CABLES1: variants seen among roughly 807,000 people sequenced by gnomAD.
CABLES1 encodes the protein Cdk5 and Abl enzyme substrate 1.
Under a neutral mutation model 57.8 loss-of-function variants are expected in CABLES1, and 36 were observed. The observed-to-expected ratio is 0.62, with a 90% confidence interval of 0.48 to 0.82. CABLES1 has a LOEUF of 0.82. CABLES1 is among the 40% of genes least tolerant of loss of function. The pLI is 0.00. For synonymous variants in CABLES1, 374 were observed against 363.0 expected, an observed-to-expected ratio of 1.03 and a Z score of -0.35; for missense variants, 767 against 836.6, an observed-to-expected ratio of 0.92 and a Z score of 1.03.
At chr18:23,161,788 G>C (rs1382165748) in intron 1 of CABLES1, among the ~76,000 whole-genome samples, 2 of 150,708 alleles carry the variant, frequency 1.3e-5, no homozygotes, top group Non-Finnish European at 3.0e-5. Flanking sequence ...CAGGTGTGGT[G>C]GTGGGCACCT....
intron 3 of CABLES1, among the ~76,000 whole-genome samples, chr18:23,208,999 C>T (rs1336948061): frequency 6.6e-6 from 1 of 152,224 alleles, no homozygotes; most frequent in African/African-American, 2.4e-5. Flanking sequence ...CACTCTGACC[C>T]AGTAGGACCT....
In CABLES1 at chr18:23,259,375, G is replaced by A. The variant is rs547353018; in HGVS notation, c.*2008G>A. ...TGGATGACAGGCCGCCAGCCCAGACGTGGGGAGAGAAGCCTGAGTCCTTTC... is the reference window on the plus strand; with the variant it reads ...TGGATGACAGGCCGCCAGCCCAGACATGGGGAGAGAAGCCTGAGTCCTTTC... On this transcript the variant is annotated 3_prime_UTR_variant, in exon 10 of 10. Transcript: ENST00000256925. The A allele has an allele frequency of 8.6e-4, 131 of 152,318 alleles. No individual in the cohort carries two copies. The highest frequency in any genetic ancestry group is 3.7e-3 in the South Asian group (18 of 4,822). The allele number at this position is 152,318 out of a possible 1,614,324, so 9.4% of individuals were successfully genotyped here. A position where few individuals can be genotyped will look rare whatever the true frequency, so the allele number is the denominator to read the frequency against.
chr18:23,242,542 G>GT (rs761608145), intron 7 of CABLES1, among the ~76,000 whole-genome samples: 20 of 152,196 alleles, frequency 1.3e-4, no homozygotes, highest in Admixed American at 7.2e-4. Flanking sequence ...GGGTTTTTGT[G>GT]TTTTTTTCCC....
At chr18:23,229,438 A>G (rs1312009144) in intron 4 of CABLES1, among the ~76,000 whole-genome samples, 1 of 152,168 alleles carries the variant, frequency 6.6e-6, no homozygotes, top group Non-Finnish European at 1.5e-5. Flanking sequence ...ATAAATTAGT[A>G]TTTGAACACT....
chr18:23,236,045 G>C lies in CABLES1; in HGVS notation c.1336G>C (p.Asp446His). 1 of 1,613,984 alleles carries C rather than the reference G, an allele frequency of 6.2e-7. No individual in the cohort carries two copies. The highest frequency in any genetic ancestry group is 8.5e-7 in the Non-Finnish European group (1 of 1,179,992). ...GRASGTQGSL[D>H]TGSDLGDFMD... is the part of the protein sequence containing the mutation. ...GGCAAGCGGCACCCAGGGGAGCCTC[G>C]ACACAGGTAACCTTGGCCTGGCTGG... Residue 446 changes from aspartate to histidine, a missense_variant, in exon 6 of 10, where the codon GAC becomes CAC. By Grantham distance (81) the Asp-to-His change is moderately conservative (BLOSUM62 -1). This residue lies in a region of CABLES1 where 529 missense variants were observed against 622.8 expected (regional missense o/e 0.85). Coordinates refer to ENST00000256925, the MANE Select transcript of CABLES1 (RefSeq NM_001100619.3).
Position 23,257,734 on chromosome 18 carries a change from G to T in CABLES1, c.*367G>T, listed in dbSNP as rs2048201506. 1 of 185,570 alleles carries T rather than the reference G, an allele frequency of 5.4e-6. No homozygotes were observed. Among genetic ancestry groups the T allele is most frequent in the South Asian group, 1.8e-4 (1 of 5,408 alleles). 11.5% of individuals were successfully genotyped at this position (185,570 alleles called of 1,614,324 possible). ...GATCTGTTCCAACTTGGAGTGTGAA[G>T]GGCTTGAGCATACGGGGGAAGAGAG... is the stretch of plus-strand genomic sequence containing the variant. On this transcript the variant is annotated 3_prime_UTR_variant, in exon 10 of 10. Transcript: ENST00000256925.
At chr18:23,201,177 A>G (rs2047322792) in intron 3 of CABLES1, among the ~76,000 whole-genome samples, 1 of 152,250 alleles carries the variant, frequency 6.6e-6, no homozygotes, top group Non-Finnish European at 1.5e-5. Flanking sequence ...ACTGCTGATT[A>G]TAGCGCAGGA....
intron 3 of CABLES1, among the ~76,000 whole-genome samples, chr18:23,196,400 T>G (rs2047283049): frequency 1.3e-5 from 2 of 152,176 alleles, no homozygotes; most frequent in Non-Finnish European, 2.9e-5. Flanking sequence ...CAGGAGGGGC[T>G]GGCCCTCCCA....
Position 23,136,103 on chromosome 18 carries a change from C to G in CABLES1, c.341C>G (p.Ala114Gly). Residue 114 changes from alanine (A) to glycine (G), a missense_variant, in exon 1 of 10, where the codon GCC becomes GGC. Around this residue, in one of 4 missense-constraint regions of CABLES1, gnomAD observed 198 missense variants for 149.7 expected, o/e 1.32. Transcript: ENST00000256925. ...ARTRFSLLAA[A>G]ERGGCIALAA... The stretch of plus-strand genomic sequence containing the variant: ...ACTCGGTTCAGCTTGCTCGCCGCTG[C>G]CGAGCGGGGCGGCTGCATCGCGCTC... The G allele has an allele frequency of 8.4e-7, 1 of 1,185,776 alleles. No individual in the cohort carries two copies. Among genetic ancestry groups the G allele is most frequent in the South Asian group, 4.1e-5 (1 of 24,490 alleles). The allele number at this position is 1,185,776 out of a possible 1,614,324, so 73.5% of individuals were successfully genotyped here. A position where few individuals can be genotyped will look rare whatever the true frequency, so the allele number is the denominator to read the frequency against.
chr18:23,253,124 C>A (rs778541391), intron 8 of CABLES1, 58 bp downstream of exon 8: 1 of 945,088 alleles, frequency 1.1e-6, no homozygotes, highest in South Asian at 1.3e-5. Context: ...TTCCACACAC[C>A]GTAAGCTTGT....
chr18:23,245,740 C>T (rs953082812), intron 7 of CABLES1, among the ~76,000 whole-genome samples: 1 of 152,220 alleles, frequency 6.6e-6, no homozygotes, highest in Non-Finnish European at 1.5e-5. Flanking sequence ...CTGACCTTCT[C>T]CTTTCCCTGT....
intron 1 of CABLES1, among the ~76,000 whole-genome samples, chr18:23,146,524 G>T (rs2046892586): frequency 6.6e-6 from 1 of 152,130 alleles, no homozygotes; most frequent in Non-Finnish European, 1.5e-5. Flanking sequence ...AGTTCTTGAT[G>T]AATTATTTTA....
In CABLES1 at chr18:23,248,095, G is replaced by A. The variant is rs537391172; in HGVS notation, c.1447-4865G>A. ...AGACCCGGGCCAGAGTGGGCCTGGC[G>A]CGCTCTGCCACCCTTGCCCCCTCCA... On this transcript the variant is annotated intron_variant, in intron 7 of 9. Coordinates refer to ENST00000256925, the MANE Select transcript of CABLES1 (RefSeq NM_001100619.3). 4.3e-4 allele frequency among the ~76,000 whole-genome samples: 65 copies of A among 152,326 alleles called. No homozygotes were observed. In the South Asian group the frequency reaches 4.8e-3, roughly 11 times the overall value.
Position 23,174,875 on chromosome 18 carries a change from C to T in CABLES1, c.846-13963C>T, listed in dbSNP as rs141525053. ...ATATATATATATGTTTTTTAAACTG[C>T]AGTAAAATAAACTCGATAGCTTTCT... On this transcript the variant is annotated intron_variant, in intron 1 of 9. Transcript: ENST00000256925. Among the ~76,000 whole-genome samples, 1,082 of 117,926 alleles carry T rather than the reference C, an allele frequency of 9.2e-3. 13 individuals are homozygous for T. The highest frequency in any genetic ancestry group is 0.013 in the Non-Finnish European group (742 of 58,554). 77.4% of individuals were successfully genotyped at this position (117,926 alleles called of 152,430 possible).
chr18:23,248,055 A>G (rs1033896058), intron 7 of CABLES1, among the ~76,000 whole-genome samples: 2 of 152,344 alleles, frequency 1.3e-5, no homozygotes, highest in Admixed American at 6.5e-5. Flanking sequence ...TAAAAAAGAC[A>G]GAGCCTCTCC....
intron 3 of CABLES1, among the ~76,000 whole-genome samples, chr18:23,206,963 A>G (rs1006842009): frequency 6.6e-6 from 1 of 151,926 alleles, no homozygotes; most frequent in Non-Finnish European, 1.5e-5. Context: ...GGCGTGTGCT[A>G]CCACACCCAG....
intron 2 of CABLES1, 165 bp downstream of exon 2, chr18:23,189,074 C>T: frequency 1.7e-6 from 1 of 573,574 alleles, no homozygotes; most frequent in South Asian, 2.2e-5. Flanking sequence ...CTCTGAAGAC[C>T]ACTAGAACTA....
chr18:23,222,144 G>A (rs550178045), intron 4 of CABLES1, among the ~76,000 whole-genome samples: 14 of 152,192 alleles, frequency 9.2e-5, no homozygotes, highest in Non-Finnish European at 1.8e-4. Context: ...TCTGGCCTTG[G>A]CGTTCCTCTC....
chr18:23,181,376 G>C (rs548558440), intron 1 of CABLES1, among the ~76,000 whole-genome samples: 1 of 151,732 alleles, frequency 6.6e-6, no homozygotes, highest in Non-Finnish European at 1.5e-5. Flanking sequence ...TGCGCCTGTA[G>C]TCCCAGCTAC....
Sources: gnomAD v4.1 joint callset for allele counts (sites outside exome capture counted in the v4.1 genomes callset) on GRCh38, gnomAD v4.1.1 for gene constraint, gnomAD v4.1.1 regional missense constraint, MANE v1.5 for transcripts, NCBI Gene and HGNC (gene_info 2026-07-23, HGNC 2026-07-21) for gene names.